The following MAML2 variants were observed in gnomAD, a reference collection of about 807,000 sequenced individuals.
MAML2 encodes the protein mastermind-like protein 2.
MAML2 carries 22 observed loss-of-function variants against 96.1 expected under a neutral mutation model. The ratio of observed to expected loss-of-function variants is 0.23; its 90% CI spans 0.16 to 0.33. The LOEUF (loss-of-function observed/expected upper bound fraction) is 0.33, where lower values mean the gene tolerates loss of function less well. MAML2 is among the 10% of genes least tolerant of loss of function. The pLI, the probability that MAML2 is intolerant of heterozygous loss-of-function variation, is 1.00. For missense variants in MAML2, 1,367 were observed against 1,392.4 expected, an observed-to-expected ratio of 0.98 and a Z score of 0.29; for synonymous variants, 561 against 521.3, an observed-to-expected ratio of 1.08 and a Z score of -1.04.
Position 95,977,891 on chromosome 11 carries a change from C to T in MAML2, c.*1057G>A. 4.4e-6 allele frequency: 1 copy of T among 224,986 alleles called. No homozygotes were observed. The highest frequency in any genetic ancestry group is 8.9e-6 in the Non-Finnish European group (1 of 112,798). The allele number at this position is 224,986 out of a possible 1,614,324, so 13.9% of individuals were successfully genotyped here. A position where few individuals can be genotyped will look rare whatever the true frequency, so the allele number is the denominator to read the frequency against. ...GCGTTCCTTCAAACTCCGTGAAATA[C>T]ATTTGTACACACTGGTACTTGCCAT... On this transcript the variant is annotated 3_prime_UTR_variant, in exon 5 of 5. Transcript: ENST00000524717.
chr11:96,338,345 G>A (rs1863945674), intron 1 of MAML2, among the ~76,000 whole-genome samples: 5 of 152,376 alleles, frequency 3.3e-5, no homozygotes, highest in South Asian at 4.1e-4. Flanking sequence ...GCAGCAGCGG[G>A]GCTTCCCCTG....
At chr11:96,024,712 C>T (rs561814824) in intron 2 of MAML2, among the ~76,000 whole-genome samples, 1 of 152,250 alleles carries the variant, frequency 6.6e-6, no homozygotes, top group African/African-American at 2.4e-5. Context: ...TGGCTGTCAC[C>T]CATTCACCTT....
At chr11:96,208,694 A>T (rs2135936586) in intron 1 of MAML2, among the ~76,000 whole-genome samples, 1 of 152,290 alleles carries the variant, frequency 6.6e-6, no homozygotes, top group Non-Finnish European at 1.5e-5. Context: ...CTAGTTCACC[A>T]GCAATGGATC....
chr11:96,105,930 A>G (rs572335871), intron 1 of MAML2, among the ~76,000 whole-genome samples: 27 of 152,086 alleles, frequency 1.8e-4, no homozygotes, highest in Admixed American at 3.3e-4. Flanking sequence ...ATGCCTGGAA[A>G]TGAGAATTTG....
intron 1 of MAML2, among the ~76,000 whole-genome samples, chr11:96,129,745 C>G (rs946392287): frequency 6.6e-6 from 1 of 152,186 alleles, no homozygotes; most frequent in Non-Finnish European, 1.5e-5. Context: ...ACACAGTACT[C>G]AACAGGAAGT....
At position 96,203,210 on chromosome 11, in the gene MAML2, G is replaced by GA. The variant is rs1861850645; in HGVS notation, c.514-109694dup. On this transcript the variant is annotated intron_variant, in intron 1 of 4. Coordinates refer to ENST00000524717, the MANE Select transcript of MAML2 (RefSeq NM_032427.4). ...TGGGCATTCAGACATATGCAAAACA[G>GA]AAAAAGTTGCTGACTTCATGGTGTT... 2.6e-5 allele frequency among the ~76,000 whole-genome samples: 4 copies of GA among 152,290 alleles called. No individual in the cohort carries two copies. The South Asian group carries it at 8.3e-4, about 32-fold the overall frequency.
At chr11:96,302,184 C>T (rs1270163000) in intron 1 of MAML2, among the ~76,000 whole-genome samples, 2 of 152,212 alleles carry the variant, frequency 1.3e-5, no homozygotes, top group African/African-American at 2.4e-5. Context: ...TATGCCATCA[C>T]ATAATCAGTG....
rs750754485 is a variant in MAML2, at chr11:96,123,904, T to G, written c.514-30387A>C. ...GCCTAACATGGTGAAAACCCGTCTC[T>G]ACTAATAATACAAAAATTAGCCGGG... On this transcript the variant is annotated intron_variant, in intron 1 of 4. Transcript: ENST00000524717. Among the ~76,000 whole-genome samples the G allele has an allele frequency of 5.9e-4, 90 of 151,870 alleles. 1 individual carries two copies. Among genetic ancestry groups the G allele is most frequent in the Non-Finnish European group, 1.1e-3 (74 of 67,968 alleles).
intron 1 of MAML2, among the ~76,000 whole-genome samples, chr11:96,212,788 G>T (rs564481743): frequency 6.6e-6 from 1 of 152,308 alleles, no homozygotes; most frequent in Non-Finnish European, 1.5e-5. Context: ...CATTCCTTCT[G>T]ACATAAAGGA....
At chr11:96,137,057 C>T (rs142286073) in intron 1 of MAML2, among the ~76,000 whole-genome samples, 70 of 152,302 alleles carry the variant, frequency 4.6e-4, no homozygotes, top group African/African-American at 1.6e-3. Flanking sequence ...CAACAATTCT[C>T]TTTCAGTGTC....
Position 96,161,836 on chromosome 11 carries a change from G to A in MAML2, c.514-68319C>T, listed in dbSNP as rs538218215. 1.2e-4 allele frequency among the ~76,000 whole-genome samples: 19 copies of A among 152,270 alleles called. No individual in the cohort carries two copies. The East Asian group carries it at 1.9e-3, about 15-fold the overall frequency. ...TCTCCCAAATCATAAGGAACTGGAC[G>A]ATGAGTTTTGGTTTAGGAAATATAA... On this transcript the variant is annotated intron_variant, in intron 1 of 4. Coordinates refer to ENST00000524717, the MANE Select transcript of MAML2 (RefSeq NM_032427.4).
intron 1 of MAML2, among the ~76,000 whole-genome samples, chr11:96,298,652 T>A (rs1299461756): frequency 1.3e-5 from 2 of 151,638 alleles, no homozygotes; most frequent in African/African-American, 4.8e-5. Flanking sequence ...ATACCTACAC[T>A]ATATACACAA....
chr11:96,292,933 G>C (rs183000974), intron 1 of MAML2, among the ~76,000 whole-genome samples: 307 of 142,588 alleles, frequency 2.2e-3, no homozygotes, highest in Non-Finnish European at 2.3e-3. Flanking sequence ...ATTCAAGTTA[G>C]AAAAAAAAAA....
chr11:96,092,237 C>CTGT lies in MAML2; in HGVS notation c.1793_1794insACA (p.Gln621dup). ...GCTGCTGCTGCTGCTGCTGCTGCTGCTGCTGCTGCTGCTGTTGCTGCTGTT... is the reference window on the plus strand; with the variant it reads ...GCTGCTGCTGCTGCTGCTGCTGCTGCTGTTGCTGCTGCTGCTGTTGCTGCTGTT... On this transcript the variant is annotated inframe_insertion, in exon 2 of 5. Coordinates refer to ENST00000524717, the MANE Select transcript of MAML2 (RefSeq NM_032427.4). This position sits in a 1 kb window ranked among gnomAD's most constrained non-coding sequence, Gnocchi z 4.1. 1 of 1,531,150 alleles carries CTGT rather than the reference C, an allele frequency of 6.5e-7. No homozygotes were observed. The highest frequency in any genetic ancestry group is 8.8e-7 in the Non-Finnish European group (1 of 1,132,308). The allele number at this position is 1,531,150 out of a possible 1,614,324, so 94.8% of individuals were successfully genotyped here. A position where few individuals can be genotyped will look rare whatever the true frequency, so the allele number is the denominator to read the frequency against.
chr11:96,215,722 A>T (rs980580588), intron 1 of MAML2, among the ~76,000 whole-genome samples: 8 of 151,390 alleles, frequency 5.3e-5, no homozygotes, highest in Non-Finnish European at 1.2e-4. Context: ...AGCTGGGCAG[A>T]GCCCAGCTGC....
At chr11:96,314,113 T>G (rs946965514) in intron 1 of MAML2, among the ~76,000 whole-genome samples, 1 of 152,170 alleles carries the variant, frequency 6.6e-6, no homozygotes. Context: ...TGAAGTAGCA[T>G]TTTTCAAGAA....
chr11:95,990,934 T>A (rs1442653906), intron 3 of MAML2, among the ~76,000 whole-genome samples: 3 of 152,042 alleles, frequency 2.0e-5, no homozygotes, highest in South Asian at 4.1e-4. Flanking sequence ...CAGTCAAATA[T>A]TAGGTTGGTG....
chr11:96,122,118 C>T (rs906502887), intron 1 of MAML2, among the ~76,000 whole-genome samples: 2 of 151,770 alleles, frequency 1.3e-5, no homozygotes, highest in Non-Finnish European at 2.9e-5. Flanking sequence ...CCCCTGTCTG[C>T]TATGATTTTA....
intron 1 of MAML2, among the ~76,000 whole-genome samples, chr11:96,104,445 A>G (rs1458062908): frequency 1.3e-5 from 2 of 152,150 alleles, no homozygotes; most frequent in African/African-American, 2.4e-5. Context: ...TAAGACTGAA[A>G]TGAACATTTA....
Sources: gnomAD v4.1 joint callset for allele counts (sites outside exome capture counted in the v4.1 genomes callset) on GRCh38, gnomAD v4.1.1 for gene constraint, Gnocchi (gnomAD v3.1) non-coding constraint, MANE v1.5 for transcripts, NCBI Gene and HGNC (gene_info 2026-07-23, HGNC 2026-07-21) for gene names.